Variants in TTC7A observed in about 807,000 individuals in gnomAD.
The protein encoded by TTC7A is tetratricopeptide repeat protein 7A.
TTC7A carries 110 observed loss-of-function variants against 103.7 expected under a neutral mutation model. That is an observed-to-expected ratio of 1.06 (90% CI 0.91 to 1.24). The LOEUF is 1.24. Ranked by LOEUF, TTC7A falls within the 50% of genes most tolerant of loss-of-function variation. The pLI is 0.00. For synonymous variants in TTC7A, 521 were observed against 467.9 expected, an observed-to-expected ratio of 1.11 and a Z score of -1.47; for missense variants, 1,340 against 1,116.3, an observed-to-expected ratio of 1.20 and a Z score of -2.86.
chr2:47,009,832 G>A (rs1677833926), intron 10 of TTC7A, among the ~76,000 whole-genome samples: 1 of 150,058 alleles, frequency 6.7e-6, no homozygotes, highest in Non-Finnish European at 1.5e-5. Flanking sequence ...CACACTGGGA[G>A]GATTACTGCT....
At chr2:46,999,191 C>A (rs1277038753) in intron 8 of TTC7A, among the ~76,000 whole-genome samples, 1 of 152,000 alleles carries the variant, frequency 6.6e-6, no homozygotes, top group Non-Finnish European at 1.5e-5. Flanking sequence ...CATCCACCAT[C>A]CATCCATCCA....
At chr2:46,961,125 A>G (rs1361872412) in intron 3 of TTC7A, among the ~76,000 whole-genome samples, 2 of 152,098 alleles carry the variant, frequency 1.3e-5, no homozygotes, top group African/African-American at 4.8e-5. Context: ...CAGCCTACGG[A>G]CCCCTGACCA....
intron 2 of TTC7A, 64 bp downstream of exon 2, chr2:46,950,590 A>G (rs922462841): frequency 1.9e-6 from 3 of 1,552,200 alleles, no homozygotes; most frequent in Non-Finnish European, 2.6e-6. Context: ...GCATCTGTCC[A>G]GTCCTCCCTG....
chr2:46,924,091 C>T (rs146144054), intron 2 of TTC7A, among the ~76,000 whole-genome samples: 1 of 151,874 alleles, frequency 6.6e-6, no homozygotes, highest in South Asian at 2.1e-4. Context: ...TGTAGTCCAG[C>T]TACCCAGGAG....
At chr2:46,990,502 C>T (rs1427505815) in intron 5 of TTC7A, among the ~76,000 whole-genome samples, 1 of 152,204 alleles carries the variant, frequency 6.6e-6, no homozygotes, top group East Asian at 1.9e-4. Context: ...CTCCCCTACT[C>T]ATGAGCTCCC....
At chr2:46,970,840 G>C (rs549486622) in intron 3 of TTC7A, among the ~76,000 whole-genome samples, 1 of 152,156 alleles carries the variant, frequency 6.6e-6, no homozygotes, top group African/African-American at 2.4e-5. Flanking sequence ...TTTGGCAGTC[G>C]TTGACACCCA....
At chr2:46,915,899 G>C, upstream of TTC7A, 2 of 984,612 alleles carry the variant, frequency 2.0e-6, no homozygotes, top group Non-Finnish European at 2.4e-6. Flanking sequence ...GCTGGCGGCG[G>C]CGGGCTGTGA....
Position 46,975,214 on chromosome 2 carries a change from C to T in TTC7A, c.648+111C>T, listed in dbSNP as rs551014934. 11 of 1,408,820 alleles carry T rather than the reference C, an allele frequency of 7.8e-6. No homozygotes were observed. In the African/African-American group the frequency reaches 1.3e-4, roughly 16 times the overall value. 87.3% of individuals were successfully genotyped at this position (1,408,820 alleles called of 1,614,324 possible). A position where few individuals can be genotyped will look rare whatever the true frequency, so the allele number is the denominator to read the frequency against. ...TGTGCTAATTAGAAGAAGTCACCTT[C>T]TCTGTCCCCCAAAGACACTCTACTT... is the stretch of plus-strand genomic sequence containing the variant. On this transcript the variant is annotated intron_variant, in intron 4 of 19. Transcript: ENST00000319190.
intron 18 of TTC7A, among the ~76,000 whole-genome samples, chr2:47,057,978 CCAGGCACATAGTCAGTACT>C (rs1683455394): frequency 6.6e-6 from 1 of 152,266 alleles, no homozygotes; most frequent in East Asian, 1.9e-4. Flanking sequence ...TGTGGGGAGA[CCAGGCACATAGTCAGTACT>C]CAAAAGTTGT....
At chr2:46,997,393 G>T (rs963519896) in intron 8 of TTC7A, among the ~76,000 whole-genome samples, 8 of 152,122 alleles carry the variant, frequency 5.3e-5, no homozygotes, top group Non-Finnish European at 8.8e-5. Context: ...AGCTAGGGAG[G>T]TTCCAAGCTG....
At chr2:46,930,436 A>AG (rs916915058) in intron 2 of TTC7A, among the ~76,000 whole-genome samples, 1 of 110,194 alleles carries the variant, frequency 9.1e-6, no homozygotes, top group African/African-American at 3.6e-5. Flanking sequence ...TATTCCTAGG[A>AG]AAAAAAAAAA....
Position 47,013,154 on chromosome 2 carries a change from A to G in TTC7A, c.1392+1719A>G, listed in dbSNP as rs550603087. On this transcript the variant is annotated intron_variant, in intron 11 of 19. Transcript: ENST00000319190. Reference sequence around the variant, plus strand: ...GGGCTGGACGGGTCAGGGAGGCATCATGGAGGAGGCAGCCTCAGACTGAAC... The same window carrying G: ...GGGCTGGACGGGTCAGGGAGGCATCGTGGAGGAGGCAGCCTCAGACTGAAC... 1.7e-4 allele frequency among the ~76,000 whole-genome samples: 26 copies of G among 152,310 alleles called. 1 individual carries two copies. Among genetic ancestry groups the G allele is most frequent in the African/African-American group, 6.3e-4 (26 of 41,580 alleles).
At chr2:46,968,000 G>T (rs1417081977) in intron 3 of TTC7A, among the ~76,000 whole-genome samples, 5 of 152,112 alleles carry the variant, frequency 3.3e-5, no homozygotes. Context: ...AGGCTGGGTA[G>T]GTGGGAGGGA....
intron 16 of TTC7A, 121 bp downstream of exon 16, chr2:47,046,552 G>A (rs544614727): frequency 1.7e-5 from 13 of 744,522 alleles, no homozygotes; most frequent in Middle Eastern, 3.3e-4. Context: ...GAATGAGAGC[G>A]TGGAACTTCC....
rs190576402 is a variant in TTC7A, at chr2:46,970,045, G to T, written c.518-4928G>T. ...TTGTTCTGTCACCCAGCTGGAGTGC[G>T]GTGGCATAATCTTGGCTTACTGCAG... On this transcript the variant is annotated intron_variant, in intron 3 of 19. Coordinates refer to ENST00000319190, the MANE Select transcript of TTC7A (RefSeq NM_020458.4). 6.7e-4 allele frequency among the ~76,000 whole-genome samples: 102 copies of T among 152,158 alleles called. 1 individual carries two copies. Among genetic ancestry groups the T allele is most frequent in the African/African-American group, 2.3e-3 (95 of 41,524 alleles).
intron 3 of TTC7A, among the ~76,000 whole-genome samples, chr2:46,972,650 G>A (rs1673473340): frequency 6.6e-6 from 1 of 152,238 alleles, no homozygotes. Context: ...GTCAAAAGGA[G>A]AGCAAGGTGC....
chr2:46,940,478 G>A (rs1255453650), upstream of TTC7A, among the ~76,000 whole-genome samples: 1 of 152,178 alleles, frequency 6.6e-6, no homozygotes, highest in African/African-American at 2.4e-5. The surrounding 1 kb of genome is among the most constrained non-coding windows in gnomAD (Gnocchi z 4.7). Flanking sequence ...GTAGTCCTGT[G>A]AACTTCTGGG....
intron 2 of TTC7A, among the ~76,000 whole-genome samples, chr2:46,917,595 G>A (rs1198726023): frequency 6.6e-6 from 1 of 152,198 alleles, no homozygotes; most frequent in Non-Finnish European, 1.5e-5. Flanking sequence ...ATTCTAGCCA[G>A]TGCTTTCATT....
chr2:46,959,631 C>A (rs1276940041), intron 3 of TTC7A, among the ~76,000 whole-genome samples: 3 of 152,168 alleles, frequency 2.0e-5, no homozygotes, highest in Non-Finnish European at 4.4e-5. Context: ...AAAACATATT[C>A]CCCTCACCCT....
Sources: allele counts gnomAD v4.1 joint callset (sites outside exome capture counted in the v4.1 genomes callset), GRCh38; gene constraint gnomAD v4.1.1; non-coding constraint Gnocchi (gnomAD v3.1); transcripts MANE v1.5; gene names NCBI Gene and HGNC (gene_info 2026-07-23, HGNC 2026-07-21).